The following PAX5 variants were observed in gnomAD, a reference collection of about 807,000 sequenced individuals.
PAX5 encodes the protein paired box 5.
A neutral mutation model predicts 43.7 loss-of-function variants in PAX5; 9 were observed. The ratio of observed to expected loss-of-function variants is 0.21; its 90% CI spans 0.12 to 0.36. The LOEUF is 0.36. Among genes scored for constraint, PAX5 ranks in the 10% least tolerant of loss-of-function variants. PAX5 has a pLI of 1.00. For synonymous variants in PAX5, 228 were observed against 214.3 expected (o/e 1.06, Z -0.56); for missense variants, 383 against 532.7 (o/e 0.72, Z 2.77).
At chr9:36,970,537 C>T (rs544566610) in intron 5 of PAX5, among the ~76,000 whole-genome samples, 1 of 152,262 alleles carries the variant, frequency 6.6e-6, no homozygotes, top group South Asian at 2.1e-4. Context: ...CCGAATCGCT[C>T]GTTCCTTCAG....
chr9:36,863,789 G>A (rs1824474270), intron 8 of PAX5, among the ~76,000 whole-genome samples: 1 of 152,148 alleles, frequency 6.6e-6, no homozygotes, highest in Admixed American at 6.5e-5. Context: ...GGAATGAAAG[G>A]CAATTAGTGC....
chr9:37,013,089 T>TA (rs140462852), intron 3 of PAX5, among the ~76,000 whole-genome samples: 47,256 of 150,164 alleles, frequency 0.31, 8,364 homozygotes, highest in Admixed American at 0.41. Flanking sequence ...CATCTCTACA[T>TA]AAAAAAAAAA....
At chr9:36,920,742 A>C (rs12238672) in intron 7 of PAX5, among the ~76,000 whole-genome samples, 37,628 of 150,702 alleles carry the variant, frequency 0.25, 5,365 homozygotes, top group East Asian at 0.5. Flanking sequence ...ATCATGTCAT[A>C]CTCAAAAAGT....
intron 9 of PAX5, 35 bp downstream of exon 9, chr9:36,846,808 C>T (rs769466676): frequency 1.8e-5 from 28 of 1,522,426 alleles, no homozygotes; most frequent in Non-Finnish European, 2.5e-5. Context: ...TAGCTGATGG[C>T]CCAAGGGCCC....
intron 5 of PAX5, among the ~76,000 whole-genome samples, chr9:36,989,522 G>A (rs900240238): frequency 3.9e-5 from 6 of 152,186 alleles, no homozygotes; most frequent in East Asian, 1.9e-4. Context: ...AATGTTAGCC[G>A]TTATAGTTAT....
intron 6 of PAX5, among the ~76,000 whole-genome samples, chr9:36,949,423 A>C: frequency 1.2e-5 from 1 of 81,178 alleles, no homozygotes; most frequent in African/African-American, 3.3e-5. Context: ...GCAGTGGTAA[A>C]GCCAAGTAGA....
At chr9:36,891,826 C>T (rs1827414317) in intron 7 of PAX5, among the ~76,000 whole-genome samples, 1 of 152,214 alleles carries the variant, frequency 6.6e-6, no homozygotes, top group Non-Finnish European at 1.5e-5. Context: ...GGCTAAAGAT[C>T]TAATCTGGAT....
At chr9:36,941,341 C>G (rs1174510088) in intron 6 of PAX5, among the ~76,000 whole-genome samples, 1 of 152,188 alleles carries the variant, frequency 6.6e-6, no homozygotes, top group Non-Finnish European at 1.5e-5. Context: ...GCTATCTATT[C>G]TTTTTACTAC....
intron 7 of PAX5, among the ~76,000 whole-genome samples, chr9:36,914,008 A>G (rs1160434837): frequency 1.3e-5 from 2 of 152,148 alleles, no homozygotes; most frequent in African/African-American, 4.8e-5. Flanking sequence ...GCATTCCTTC[A>G]AGGTGTTTAA....
intron 6 of PAX5, among the ~76,000 whole-genome samples, chr9:36,959,309 A>T (rs144959554): frequency 1.8e-3 from 268 of 152,350 alleles, no homozygotes; most frequent in African/African-American, 6.2e-3. Flanking sequence ...GATAGATTCT[A>T]CTTGCATGCC....
intron 7 of PAX5, among the ~76,000 whole-genome samples, chr9:36,890,907 G>A (rs1480094783): frequency 6.6e-6 from 1 of 152,236 alleles, no homozygotes; most frequent in Non-Finnish European, 1.5e-5. Context: ...GGGAGGCCAA[G>A]GCAGGAGGAT....
At chr9:36,940,128 C>A (rs889489235) in intron 6 of PAX5, among the ~76,000 whole-genome samples, 1 of 152,222 alleles carries the variant, frequency 6.6e-6, no homozygotes, top group African/African-American at 2.4e-5. Context: ...ATGTTCTACT[C>A]CTTCCAGACC....
At chr9:37,025,846 T>C (rs539061037) in intron 1 of PAX5, among the ~76,000 whole-genome samples, 1 of 152,216 alleles carries the variant, frequency 6.6e-6, no homozygotes, top group African/African-American at 2.4e-5. Flanking sequence ...TCGTTTCTTA[T>C]CCTCTTTTTT....
At position 37,034,034 on chromosome 9, in the gene PAX5, T is replaced by C. The variant is rs1392495055; in HGVS notation, c.-3A>G. 1.2e-6 allele frequency: 2 copies of C among 1,606,824 alleles called. No individual in the cohort carries two copies. Among genetic ancestry groups the C allele is most frequent in the East Asian group, 2.2e-5 (1 of 44,848 alleles). On this transcript the variant is annotated 5_prime_UTR_variant, in exon 1 of 10. Coordinates refer to ENST00000358127, the MANE Select transcript of PAX5 (RefSeq NM_016734.3). ...GGATAATTTTTCTCTAAATCCATTT[T>C]GATTTTTCAGGACTTGATGGAATGG...
chr9:37,009,680 T>C (rs1838762729), intron 3 of PAX5, among the ~76,000 whole-genome samples: 1 of 151,772 alleles, frequency 6.6e-6, no homozygotes, highest in Non-Finnish European at 1.5e-5. Flanking sequence ...ACTAAAAGAG[T>C]GTAATTGGGT....
chr9:36,921,131 C>T (rs1266989577), intron 7 of PAX5, among the ~76,000 whole-genome samples: 2 of 152,090 alleles, frequency 1.3e-5, no homozygotes, highest in Non-Finnish European at 2.9e-5. Flanking sequence ...CTTTTATACG[C>T]ACTGGGAAAC....
intron 6 of PAX5, among the ~76,000 whole-genome samples, chr9:36,958,864 C>G (rs931939188): frequency 2.0e-5 from 3 of 152,230 alleles, no homozygotes; most frequent in African/African-American, 7.2e-5. Context: ...CCCATGGGAC[C>G]TGGCCCTGAA....
chr9:36,842,939 A>G (rs1292247766), intron 9 of PAX5, among the ~76,000 whole-genome samples: 1 of 152,162 alleles, frequency 6.6e-6, no homozygotes, highest in Admixed American at 6.5e-5. Flanking sequence ...AGGAGGCTTC[A>G]GCCAGGTTGG....
rs1841312519 is a variant in PAX5, at chr9:37,034,158, T to A, written c.-127A>T. ...AGGGGCCGCTCACAGGTCGGAATAA[T>A]TCAAGCCTTCCGCTCCCCCGCCGAG... On this transcript the variant is annotated 5_prime_UTR_variant, in exon 1 of 10. Transcript: ENST00000358127. 1.7e-6 allele frequency: 1 copy of A among 605,356 alleles called. No individual in the cohort carries two copies. The highest frequency in any genetic ancestry group is 2.0e-5 in the South Asian group (1 of 49,310). The allele number at this position is 605,356 out of a possible 1,614,324, so 37.5% of individuals were successfully genotyped here. A position where few individuals can be genotyped will look rare whatever the true frequency, so the allele number is the denominator to read the frequency against.
Sources: gnomAD v4.1 joint callset for allele counts (sites outside exome capture counted in the v4.1 genomes callset) on GRCh38, gnomAD v4.1.1 for gene constraint, MANE v1.5 for transcripts, NCBI Gene and HGNC (gene_info 2026-07-23, HGNC 2026-07-21) for gene names.